Variants in ZNF490 observed in about 807,000 individuals in gnomAD.
The protein encoded by ZNF490 is zinc finger protein 490.
A neutral mutation model predicts 17.7 loss-of-function variants in ZNF490; 11 were observed. The observed-to-expected ratio is 0.62, with a 90% CI of 0.39 to 1.03. ZNF490 has a LOEUF of 1.03. ZNF490 is among the 50% of genes least tolerant of loss of function. The pLI is 0.00. For synonymous variants in ZNF490, 222 were observed against 216.1 expected (o/e 1.03, Z -0.24); for missense variants, 542 against 643.4 (o/e 0.84, Z 1.71).
chr19:12,597,549 T>C (rs1045831334), intron 2 of ZNF490, among the ~76,000 whole-genome samples: 2 of 152,194 alleles, frequency 1.3e-5, no homozygotes, highest in African/African-American at 4.8e-5. Flanking sequence ...AACCAATCTC[T>C]AGAACTGATT....
At chr19:12,589,871 C>CATGTATGTATGTATGT (rs557685394) in intron 2 of ZNF490, among the ~76,000 whole-genome samples, 49 of 149,584 alleles carry the variant, frequency 3.3e-4, no homozygotes, top group Non-Finnish European at 6.3e-4. Flanking sequence ...TCTCACCATT[C>CATGTATGTATGTATGT]ATGTATGTAT....
In ZNF490 at chr19:12,600,359, C is replaced by A. The variant is rs948858615; in HGVS notation, c.162+8799G>T. 6.6e-5 allele frequency among the ~76,000 whole-genome samples: 10 copies of A among 150,970 alleles called. No homozygotes were observed. In the East Asian group the frequency reaches 1.2e-3, roughly 18 times the overall value. On this transcript the variant is annotated intron_variant, in intron 2 of 4. Coordinates refer to ENST00000311437, the MANE Select transcript of ZNF490 (RefSeq NM_020714.3). ...CCAGCCTGAGCGAAAGAGCGAGACT[C>A]TGTCTCAAAAAAAAAAAGAAAAGAA...
chr19:12,578,298 G>A lies in ZNF490; in HGVS notation c.*2187C>T. 1 of 985,630 alleles carries A rather than the reference G, an allele frequency of 1.0e-6. No homozygotes were observed. The highest frequency in any genetic ancestry group is 1.2e-6 in the Non-Finnish European group (1 of 830,070). 61.1% of individuals were successfully genotyped at this position (985,630 alleles called of 1,614,324 possible). ...TCTGAGTGTCCTACAGCTAAGACAT[G>A]GCAGAGTGTGTCTGTGACTCCACTA... On this transcript the variant is annotated 3_prime_UTR_variant, in exon 5 of 5. Coordinates refer to ENST00000311437, the MANE Select transcript of ZNF490 (RefSeq NM_020714.3).
In ZNF490 at chr19:12,581,352, T is replaced by C; in HGVS notation, c.723A>G (p.Ile241Met). 1 of 1,614,148 alleles carries C rather than the reference T, an allele frequency of 6.2e-7. No individual in the cohort carries two copies. The highest frequency in any genetic ancestry group is 8.5e-7 in the Non-Finnish European group (1 of 1,179,990). Residue 241 changes from isoleucine (I) to methionine (M), a missense_variant, in exon 5 of 5, where the codon ATA becomes ATG. Ile to Met is a conservative substitution (Grantham distance 10). Coordinates refer to ENST00000311437, the MANE Select transcript of ZNF490 (RefSeq NM_020714.3). ...AGGGTGTCTCTCCAGTATGAATTCTTATATGGTTTCGAAAGGAAAAGAGAA... is the reference window on the plus strand; with the variant it reads ...AGGGTGTCTCTCCAGTATGAATTCTCATATGGTTTCGAAAGGAAAAGAGAA... ...FAFLFSFRNHIRIHTGETPYE... is the reference protein window; with the variant it reads ...FAFLFSFRNHMRIHTGETPYE...
intron 2 of ZNF490, among the ~76,000 whole-genome samples, 200 bp from the exon 3 acceptor site, chr19:12,583,756 G>T (rs12975874): frequency 0.049 from 1,464 of 29,680 alleles, 44 homozygotes; most frequent in Middle Eastern, 0.1. Context: ...AAATTATTGC[G>T]CTCTCTCTCT....
rs1015922582 is a variant in ZNF490 at position 12,576,685 on chromosome 19, C to T, written c.*3800G>A. Among the ~76,000 whole-genome samples the T allele has an allele frequency of 2.0e-5, 3 of 151,590 alleles. No individual in the cohort carries two copies. Among genetic ancestry groups the T allele is most frequent in the Admixed American group, 6.6e-5 (1 of 15,212 alleles). ...AAAAAAATTTAGCTGGTTGTGGTGG[C>T]ACGCGCCTATAGTCCCAGCTACTCA... is the stretch of plus-strand genomic sequence containing the variant. On this transcript the variant is annotated 3_prime_UTR_variant, in exon 5 of 5. Transcript: ENST00000311437.
Position 12,577,930 on chromosome 19 carries a change from A to G in ZNF490, c.*2555T>C. ...GACAGACCCGACCCCTATCGTGCCT[A>G]TGCAATTCAGAAAACGGAGAATTCG... On this transcript the variant is annotated 3_prime_UTR_variant, in exon 5 of 5. Transcript: ENST00000311437. 1 of 985,476 alleles carries G rather than the reference A, an allele frequency of 1.0e-6. No homozygotes were observed. The highest frequency in any genetic ancestry group is 4.7e-5 in the South Asian group (1 of 21,292). The allele number at this position is 985,476 out of a possible 1,614,324, so 61.0% of individuals were successfully genotyped here.
intron 3 of ZNF490, 122 bp downstream of exon 3, chr19:12,583,308 G>T: frequency 8.4e-7 from 1 of 1,191,968 alleles, no homozygotes; most frequent in Non-Finnish European, 1.1e-6. Context: ...CAAAGCACTG[G>T]GATTACAGGC....
chr19:12,582,888 A>G lies in ZNF490; in HGVS notation c.312T>C (p.Asp104=), dbSNP rs752610173. The G allele has an allele frequency of 6.2e-7, 1 of 1,612,868 alleles. No homozygotes were observed. Among genetic ancestry groups the G allele is most frequent in the Non-Finnish European group, 8.5e-7 (1 of 1,179,542 alleles). Residue 104 remains aspartate (D), a synonymous_variant, in exon 4 of 5, where the codon GAT becomes GAC. Coordinates refer to ENST00000311437, the MANE Select transcript of ZNF490 (RefSeq NM_020714.3). ...ACIGEKWKDQ[D]IEDEHKNQGR... ...CCTGGTTTTTGTGTTCATCTTCAAT[A>G]TCCTGGTCTTTCCATTTTTCCCCTA...
At chr19:12,583,386 C>T (rs547627155) in intron 3 of ZNF490, 44 bp downstream of exon 3, 2 of 1,538,168 alleles carry the variant, frequency 1.3e-6, no homozygotes, top group African/African-American at 1.4e-5. Flanking sequence ...GCAAGAAACA[C>T]CTGTTCCCTC....
rs1381920118 is a variant in ZNF490, at chr19:12,585,838, C to T, written c.163-2282G>A. On this transcript the variant is annotated intron_variant, in intron 2 of 4. Transcript: ENST00000311437. ...CAGAGTAGCTGGGATTACAGGCATA[C>T]ACAACCACACCCAGCTAATTTTTGT... Among the ~76,000 whole-genome samples the T allele has an allele frequency of 7.5e-5, 7 of 93,544 alleles. 3 individuals are homozygous for T. Among genetic ancestry groups the T allele is most frequent in the African/African-American group, 2.2e-4 (7 of 31,380 alleles). 61.4% of individuals were successfully genotyped at this position (93,544 alleles called of 152,430 possible). A position where few individuals can be genotyped will look rare whatever the true frequency, so the allele number is the denominator to read the frequency against.
chr19:12,584,099 C>CAT (rs1322036015), intron 2 of ZNF490, among the ~76,000 whole-genome samples: 5,440 of 85,826 alleles, frequency 0.063, 516 homozygotes, highest in Non-Finnish European at 0.086. Flanking sequence ...CGTGAGCCAC[C>CAT]GCACCCTGCC....
At position 12,610,572 on chromosome 19, in the gene ZNF490, C is replaced by G. The variant is rs760193355; in HGVS notation, c.109G>C (p.Val37Leu). The G allele has an allele frequency of 6.2e-7, 1 of 1,613,370 alleles. No homozygotes were observed. Among genetic ancestry groups the G allele is most frequent in the Non-Finnish European group, 8.5e-7 (1 of 1,179,430 alleles). Residue 37 changes from valine (V) to leucine (L), a missense_variant, in exon 1 of 5, where the codon GTC becomes CTC. Coordinates refer to ENST00000311437, the MANE Select transcript of ZNF490 (RefSeq NM_020714.3). ...TGCCAAGCCCCTGGTACCTGGAGGA[C>G]ATCAGACCCTCCTGTTCCTGTGCGG... is the stretch of plus-strand genomic sequence containing the variant. ...QGRTGTGGSD[V>L]LQMQNSEHHG...
chr19:12,600,306 G>A (rs994680365), intron 2 of ZNF490, among the ~76,000 whole-genome samples: 1 of 151,992 alleles, frequency 6.6e-6, no homozygotes, highest in Non-Finnish European at 1.5e-5. Context: ...GGTGGAAGTT[G>A]CAGTGAGCCG....
At chr19:12,582,526 C>G (rs1382427574) in intron 4 of ZNF490, among the ~76,000 whole-genome samples, 1 of 152,104 alleles carries the variant, frequency 6.6e-6, no homozygotes, top group African/African-American at 2.4e-5. Flanking sequence ...TCCCGAGTAG[C>G]TGGGACTATA....
At chr19:12,596,910 C>T (rs1234857924) in intron 2 of ZNF490, among the ~76,000 whole-genome samples, 1 of 152,232 alleles carries the variant, frequency 6.6e-6, no homozygotes, top group Non-Finnish European at 1.5e-5. Context: ...TTTCCCGTGG[C>T]CCCTGCACAA....
chr19:12,581,753 T>C (rs1234236405), intron 4 of ZNF490, 29 bp from the exon 5 acceptor site: 2 of 1,520,490 alleles, frequency 1.3e-6, no homozygotes, highest in African/African-American at 1.4e-5. Context: ...GTATTATTAA[T>C]AGTTTTGTAT....
At position 12,584,358 on chromosome 19, in the gene ZNF490, A is replaced by G. The variant is rs185597541; in HGVS notation, c.163-802T>C. Among the ~76,000 whole-genome samples, 246 of 76,786 alleles carry G rather than the reference A, an allele frequency of 3.2e-3. 55 individuals carry two copies. The highest frequency in any genetic ancestry group is 0.019 in the Middle Eastern group (2 of 106). The allele number at this position is 76,786 out of a possible 152,430, so 50.4% of individuals were successfully genotyped here. A position where few individuals can be genotyped will look rare whatever the true frequency, so the allele number is the denominator to read the frequency against. On this transcript the variant is annotated intron_variant, in intron 2 of 4. Transcript: ENST00000311437. ...TTTTTAGTAGAGACGGGGTTTCACC[A>G]TGTTAGCCAGGATGGTCTTGATCTC...
chr19:12,594,294 C>T (rs1227121860), intron 2 of ZNF490, among the ~76,000 whole-genome samples: 3 of 151,932 alleles, frequency 2.0e-5, no homozygotes, highest in Non-Finnish European at 2.9e-5. Flanking sequence ...GGTAAAACCC[C>T]GTCTCTACTA....
Sources: gnomAD v4.1 joint callset for allele counts (sites outside exome capture counted in the v4.1 genomes callset) on GRCh38, gnomAD v4.1.1 for gene constraint, MANE v1.5 for transcripts, NCBI Gene and HGNC (gene_info 2026-07-23, HGNC 2026-07-21) for gene names.